The following KIF13B variants were observed in gnomAD, a reference collection of about 807,000 sequenced individuals.
KIF13B encodes the protein kinesin-like protein KIF13B.
In KIF13B, 127 loss-of-function variants were observed where a neutral mutation model predicts 222.0. The ratio of observed to expected loss-of-function variants is 0.57; its 90% CI spans 0.50 to 0.66. KIF13B has a LOEUF of 0.66. Among genes scored for constraint, KIF13B ranks in the 30% least tolerant of loss-of-function variants. The pLI, the probability that KIF13B is intolerant of heterozygous loss-of-function variation, is 0.00. For missense variants in KIF13B, 2,173 were observed against 2,379.0 expected, an observed-to-expected ratio of 0.91 and a Z score of 1.80; for synonymous variants, 976 against 919.0, an observed-to-expected ratio of 1.06 and a Z score of -1.12.
intron 12 of KIF13B, 50 bp downstream of exon 12, chr8:29,165,612 G>T: frequency 8.3e-7 from 1 of 1,206,904 alleles, no homozygotes; most frequent in Non-Finnish European, 1.2e-6. Context: ...GTGTCCCATT[G>T]TGCAAACTGC....
chr8:29,144,402 C>T (rs945498157), intron 18 of KIF13B, among the ~76,000 whole-genome samples: 12 of 151,988 alleles, frequency 7.9e-5, no homozygotes, highest in African/African-American at 1.7e-4. Flanking sequence ...GGATTACAGG[C>T]GCCTGCCACC....
At chr8:29,178,970 T>C (rs1275157893) in intron 8 of KIF13B, among the ~76,000 whole-genome samples, 3 of 152,224 alleles carry the variant, frequency 2.0e-5, no homozygotes, top group Non-Finnish European at 4.4e-5. Flanking sequence ...TATCTCTGAC[T>C]GGGTTTACTC....
chr8:29,093,259 T>C (rs1460570564), intron 36 of KIF13B, among the ~76,000 whole-genome samples: 1 of 152,228 alleles, frequency 6.6e-6, no homozygotes, highest in East Asian at 1.9e-4. Context: ...TTGTCTAGAC[T>C]TTAAGCTCTT....
Position 29,072,225 on chromosome 8 carries a change from G to A in KIF13B, c.4613C>T (p.Pro1538Leu). 6.8e-7 allele frequency: 1 copy of A among 1,471,496 alleles called. No homozygotes were observed. The highest frequency in any genetic ancestry group is 9.0e-7 in the Non-Finnish European group (1 of 1,113,078). 91.2% of individuals were successfully genotyped at this position (1,471,496 alleles called of 1,614,324 possible). A position where few individuals can be genotyped will look rare whatever the true frequency, so the allele number is the denominator to read the frequency against. Residue 1538 changes from proline to leucine, a missense_variant, in exon 39 of 40, where the codon CCA becomes CTA. By Grantham distance (98) the Pro-to-Leu change is moderately conservative. Transcript: ENST00000524189. Reference sequence around the variant, plus strand: ...CGCTGTGACAGCTATGACAGGCGGTGGGGAAGGCACTTTGGCAGGTTTGTC... The same window carrying A: ...CGCTGTGACAGCTATGACAGGCGGTAGGGAAGGCACTTTGGCAGGTTTGTC... ...ICDKPAKVPS[P>L]PPVIAVTAVT...
At chr8:29,157,637 G>A (rs936737362) in intron 13 of KIF13B, among the ~76,000 whole-genome samples, 2 of 151,832 alleles carry the variant, frequency 1.3e-5, no homozygotes, top group African/African-American at 2.4e-5. Flanking sequence ...CCTGGGAGGT[G>A]GAGGTTGCAG....
At chr8:29,128,447 T>C (rs951076663) in intron 24 of KIF13B, among the ~76,000 whole-genome samples, 1 of 152,194 alleles carries the variant, frequency 6.6e-6, no homozygotes, top group African/African-American at 2.4e-5. Flanking sequence ...CAAACTCCAT[T>C]TGAGTGGCTG....
At chr8:29,217,967 C>G (rs1367200442) in intron 2 of KIF13B, among the ~76,000 whole-genome samples, 1 of 152,194 alleles carries the variant, frequency 6.6e-6, no homozygotes, top group African/African-American at 2.4e-5. Context: ...ACCACCTCTG[C>G]TCTCTACTTA....
At chr8:29,095,654 C>G (rs911969754) in intron 36 of KIF13B, among the ~76,000 whole-genome samples, 1 of 152,142 alleles carries the variant, frequency 6.6e-6, no homozygotes, top group East Asian at 1.9e-4. Flanking sequence ...GTAATCCCAG[C>G]TACTTGGGAG....
At chr8:29,108,579 C>T (rs980369140) in intron 34 of KIF13B, among the ~76,000 whole-genome samples, 2 of 152,216 alleles carry the variant, frequency 1.3e-5, no homozygotes, top group Admixed American at 1.3e-4. Flanking sequence ...AACTCACAAA[C>T]TATTTAAACT....
intron 21 of KIF13B, among the ~76,000 whole-genome samples, chr8:29,137,277 C>T (rs960040491): frequency 5.9e-5 from 9 of 152,200 alleles, no homozygotes; most frequent in Non-Finnish European, 4.4e-5. Flanking sequence ...AATGCAACTG[C>T]CAGGAATGAA....
At chr8:29,262,859 C>T (rs1563836881) in intron 1 of KIF13B, 121 bp downstream of exon 1, 2 of 720,026 alleles carry the variant, frequency 2.8e-6, no homozygotes, top group Non-Finnish European at 4.2e-6. Context: ...CCGGGCCCCT[C>T]CTCGCGCCCC....
At position 29,180,233 on chromosome 8, in the gene KIF13B, A is replaced by G. The variant is rs1332152551; in HGVS notation, c.591T>C (p.Ile197=). The change falls in exon 8 of 40, where the codon ATT becomes ATC. Residue 197 remains isoleucine, a synonymous_variant. Transcript: ENST00000524189. ...TGTTACCCTCAGACATCAACGACTC[A>G]ATATCCTAAGTGGAAACAAGTCATA... is the stretch of plus-strand genomic sequence containing the variant. ...SKLAVTSYKD[I]ESLMSEGNKS... is the part of the protein sequence containing the mutation. 5.0e-6 allele frequency: 8 copies of G among 1,613,868 alleles called. No individual in the cohort carries two copies. The highest frequency in any genetic ancestry group is 1.1e-5 in the South Asian group (1 of 91,092).
chr8:29,205,269 A>G (rs1209986266), intron 2 of KIF13B, among the ~76,000 whole-genome samples: 1 of 152,206 alleles, frequency 6.6e-6, no homozygotes, highest in East Asian at 1.9e-4. Flanking sequence ...AAATTAGAAG[A>G]CATCACATTA....
At chr8:29,164,950 C>T (rs980748833) in intron 12 of KIF13B, among the ~76,000 whole-genome samples, 6 of 151,898 alleles carry the variant, frequency 4.0e-5, no homozygotes, top group South Asian at 2.1e-4. Flanking sequence ...CGGGTTCAAG[C>T]GATTCTTGTG....
intron 2 of KIF13B, among the ~76,000 whole-genome samples, chr8:29,203,378 T>A (rs1440920101): frequency 6.6e-6 from 1 of 152,188 alleles, no homozygotes; most frequent in Non-Finnish European, 1.5e-5. Context: ...ACTTATTCAT[T>A]TATTAAACTC....
intron 34 of KIF13B, among the ~76,000 whole-genome samples, chr8:29,108,555 A>G (rs139997367): frequency 6.6e-6 from 1 of 152,358 alleles, no homozygotes; most frequent in Non-Finnish European, 1.5e-5. Context: ...TGGTATCTGT[A>G]GCAACTGTAA....
At chr8:29,172,398 A>T (rs1466778535) in intron 10 of KIF13B, among the ~76,000 whole-genome samples, 1 of 152,134 alleles carries the variant, frequency 6.6e-6, no homozygotes, top group Admixed American at 6.5e-5. Flanking sequence ...ATACATTTTT[A>T]AGGAAAAAGA....
chr8:29,110,101 G>T, intron 32 of KIF13B, 31 bp from the exon 33 acceptor site: 1 of 1,539,928 alleles, frequency 6.5e-7, no homozygotes, highest in South Asian at 1.2e-5. Flanking sequence ...CATTATAAAA[G>T]CTTCTTGATG....
At position 29,071,842 on chromosome 8, in the gene KIF13B, C is replaced by A; in HGVS notation, c.4996G>T (p.Asp1666Tyr). The change falls in exon 39 of 40, where the codon GAC becomes TAC. Residue 1666 changes from aspartate to tyrosine, a missense_variant. Physicochemically the swap from Asp to Tyr is radical, Grantham distance 160. Around this residue, in one of 2 missense-constraint regions of KIF13B, gnomAD observed 693 missense variants for 656.2 expected, o/e 1.06. Transcript: ENST00000524189. The surrounding 1 kb of genome is among the most constrained non-coding windows in gnomAD (Gnocchi z 4.9). ...TCGGCCCCCGGGGAGCAGCCGGGGT[C>A]CCCAGCCAGCATGCGCGAGAAGGAG... is the stretch of plus-strand genomic sequence containing the variant. ...LRSFSRMLAG[D>Y]PGCSPGAEGN... The A allele has an allele frequency of 1.3e-6, 2 of 1,540,038 alleles. No homozygotes were observed. Among genetic ancestry groups the A allele is most frequent in the Non-Finnish European group, 1.7e-6 (2 of 1,146,048 alleles).
Sources: allele counts gnomAD v4.1 joint callset (sites outside exome capture counted in the v4.1 genomes callset), GRCh38; gene constraint gnomAD v4.1.1; regional missense constraint gnomAD v4.1.1; non-coding constraint Gnocchi (gnomAD v3.1); transcripts MANE v1.5; gene names NCBI Gene and HGNC (gene_info 2026-07-23, HGNC 2026-07-21).